Variants in CPNE8 observed in about 807,000 individuals in gnomAD.
CPNE8 encodes copine-8.
In CPNE8, 45 loss-of-function variants were observed where a neutral mutation model predicts 81.5. The observed-to-expected ratio is 0.55, with a 90% confidence interval of 0.44 to 0.71. CPNE8 has a LOEUF of 0.71. CPNE8 is among the 30% of genes least tolerant of loss of function. The probability of loss-of-function intolerance (pLI) is 0.00; values close to 1 mark genes in which losing one functional copy is unlikely to be tolerated. For missense variants in CPNE8, 594 were observed against 672.1 expected (o/e 0.88, Z 1.28); for synonymous variants, 252 against 226.3 (o/e 1.11, Z -1.02).
At chr12:38,657,747 C>T (rs1437243521) in intron 19 of CPNE8, among the ~76,000 whole-genome samples, 1 of 152,118 alleles carries the variant, frequency 6.6e-6, no homozygotes, top group East Asian at 1.9e-4. Context: ...ACTGGTGATA[C>T]CCAGGAAAAC....
At chr12:38,860,476 G>T (rs1226686426) in intron 3 of CPNE8, among the ~76,000 whole-genome samples, 3 of 150,986 alleles carry the variant, frequency 2.0e-5, no homozygotes, top group Non-Finnish European at 4.4e-5. Context: ...GTAAAATGGT[G>T]CAGCCACTAT....
At chr12:38,661,926 A>G (rs1165100437) in intron 19 of CPNE8, among the ~76,000 whole-genome samples, 2 of 151,854 alleles carry the variant, frequency 1.3e-5, no homozygotes, top group African/African-American at 4.8e-5. Flanking sequence ...ATCTCGATAG[A>G]TGCAGAAAAA....
At chr12:38,767,779 T>C in intron 7 of CPNE8, 41 bp from the exon 8 acceptor site, 1 of 1,263,752 alleles carries the variant, frequency 7.9e-7, no homozygotes. Context: ...ATTTGGGCTA[T>C]AAATAACTAG....
intron 19 of CPNE8, among the ~76,000 whole-genome samples, chr12:38,657,619 C>A (rs1283535284): frequency 2.6e-5 from 4 of 152,138 alleles, no homozygotes; most frequent in Non-Finnish European, 5.9e-5. Context: ...GAGACACCTC[C>A]CAGTAGGGGC....
chr12:38,676,199 G>T, intron 17 of CPNE8: 2 of 595,448 alleles, frequency 3.4e-6, no homozygotes, highest in Non-Finnish European at 4.2e-6. Context: ...TTTCACAGAT[G>T]TTCATTAAAA....
chr12:38,653,188 C>T lies in CPNE8; in HGVS notation c.*694G>A, dbSNP rs1029502278. 7.2e-5 allele frequency: 11 copies of T among 152,556 alleles called. No homozygotes were observed. Among genetic ancestry groups the T allele is most frequent in the Admixed American group, 1.3e-4 (2 of 15,290 alleles). 9.5% of individuals were successfully genotyped at this position (152,556 alleles called of 1,614,324 possible). ...ACCAACTGCAGTCTAAATTTAGAAC[C>T]CAAACTCCATGAAAAATGCATGTTC... On this transcript the variant is annotated 3_prime_UTR_variant, in exon 20 of 20. Transcript: ENST00000331366.
Position 38,838,758 on chromosome 12 carries a change from A to C in CPNE8, c.330+1158T>G, listed in dbSNP as rs889065580. ...AGACTGTTCCTGAATACTTCTTCAC[A>C]TGATTCTGCTGTATGCTTCATAACA... On this transcript the variant is annotated intron_variant, in intron 5 of 19. Transcript: ENST00000331366. 9.2e-5 allele frequency among the ~76,000 whole-genome samples: 14 copies of C among 152,216 alleles called. No individual in the cohort carries two copies. In the East Asian group the frequency reaches 2.5e-3, roughly 27 times the overall value.
At chr12:38,774,527 G>A (rs918377002) in intron 7 of CPNE8, among the ~76,000 whole-genome samples, 1 of 152,152 alleles carries the variant, frequency 6.6e-6, no homozygotes, top group Admixed American at 6.5e-5. Flanking sequence ...ATTTTCTAAG[G>A]CACTGGGTAG....
chr12:38,795,990 G>A (rs764793452), intron 6 of CPNE8, among the ~76,000 whole-genome samples: 12 of 152,240 alleles, frequency 7.9e-5, no homozygotes, highest in South Asian at 2.1e-4. Flanking sequence ...GGCCAGGAAC[G>A]GTGGTCACGC....
Position 38,880,789 on chromosome 12 carries a change from T to C in CPNE8, c.99-6278A>G, listed in dbSNP as rs191857495. ...TCTCTCTGATTCATTCATTCTTTTATTCACTGAATAAACAATACCCTGAGA... is the reference window on the plus strand; with the variant it reads ...TCTCTCTGATTCATTCATTCTTTTACTCACTGAATAAACAATACCCTGAGA... On this transcript the variant is annotated intron_variant, in intron 1 of 19. Coordinates refer to ENST00000331366, the MANE Select transcript of CPNE8 (RefSeq NM_153634.3). 8.5e-3 allele frequency among the ~76,000 whole-genome samples: 1,288 copies of C among 152,258 alleles called. 17 individuals are homozygous for C. Among genetic ancestry groups the C allele is most frequent in the Middle Eastern group, 0.037 (11 of 294 alleles).
Position 38,670,732 on chromosome 12 carries a change from C to A in CPNE8, c.1503G>T (p.Val501=). 1.2e-6 allele frequency: 2 copies of A among 1,602,756 alleles called. No individual in the cohort carries two copies. Among genetic ancestry groups the A allele is most frequent in the Non-Finnish European group, 1.7e-6 (2 of 1,172,276 alleles). Reference sequence around the variant, plus strand: ...TAGGAAAAGGTTTATTTCTTACCTGCACAATGTCTCTTTCAGCATATTTTC... The same window carrying A: ...TAGGAAAAGGTTTATTTCTTACCTGAACAATGTCTCTTTCAGCATATTTTC... ...SRGKYAERDI[V]QFVPFRDYID... is the part of the protein sequence containing the mutation. Residue 501 remains valine, a synonymous_variant, in exon 19 of 20, where the codon GTG becomes GTT. Transcript: ENST00000331366.
At chr12:38,821,890 T>C (rs1943115564) in intron 6 of CPNE8, among the ~76,000 whole-genome samples, 1 of 152,214 alleles carries the variant, frequency 6.6e-6, no homozygotes, top group African/African-American at 2.4e-5. Flanking sequence ...TAAACTTCGA[T>C]TATATGTAAA....
At chr12:38,684,319 T>C (rs981656968) in intron 16 of CPNE8, among the ~76,000 whole-genome samples, 1 of 151,912 alleles carries the variant, frequency 6.6e-6, no homozygotes, top group Non-Finnish European at 1.5e-5. Flanking sequence ...AAAAGAGAAA[T>C]AGAGAAGAAC....
At chr12:38,695,596 C>T (rs117663846) in intron 14 of CPNE8, among the ~76,000 whole-genome samples, 18 of 152,218 alleles carry the variant, frequency 1.2e-4, no homozygotes, top group Admixed American at 5.2e-4. Flanking sequence ...AGGGACTTTG[C>T]CACTTGATCC....
At chr12:38,840,290 T>G (rs1334909769) in intron 4 of CPNE8, among the ~76,000 whole-genome samples, 1 of 152,184 alleles carries the variant, frequency 6.6e-6, no homozygotes, top group Non-Finnish European at 1.5e-5. Context: ...CCCAGTACTG[T>G]GCAACTTACT....
At chr12:38,813,960 A>C (rs1356317195) in intron 6 of CPNE8, among the ~76,000 whole-genome samples, 1 of 152,284 alleles carries the variant, frequency 6.6e-6, no homozygotes, top group Non-Finnish European at 1.5e-5. Flanking sequence ...GACACGGAGG[A>C]GGTCCCTGAC....
chr12:38,732,289 G>C (rs1004916710), intron 10 of CPNE8, among the ~76,000 whole-genome samples: 2 of 151,932 alleles, frequency 1.3e-5, no homozygotes, highest in Admixed American at 6.6e-5. Flanking sequence ...CACTGGTCTT[G>C]AGTAAATCCA....
At chr12:38,839,742 T>A (rs1223824923) in intron 5 of CPNE8, among the ~76,000 whole-genome samples, 174 bp downstream of exon 5, 1 of 152,168 alleles carries the variant, frequency 6.6e-6, no homozygotes, top group Non-Finnish European at 1.5e-5. Context: ...GGTAACGTTT[T>A]TAATAAGCTC....
chr12:38,838,251 A>G (rs1184784176), intron 5 of CPNE8, among the ~76,000 whole-genome samples: 2 of 152,122 alleles, frequency 1.3e-5, no homozygotes, highest in Non-Finnish European at 2.9e-5. Flanking sequence ...TGGTGAGGTC[A>G]TTTCCCTAAA....
Sources: gnomAD v4.1 joint callset for allele counts (sites outside exome capture counted in the v4.1 genomes callset) on GRCh38, gnomAD v4.1.1 for gene constraint, MANE v1.5 for transcripts, NCBI Gene and HGNC (gene_info 2026-07-23, HGNC 2026-07-21) for gene names.